Variants in GLIS3 observed in about 807,000 individuals in gnomAD.
GLIS3 encodes zinc finger protein GLIS3.
GLIS3 carries 53 observed loss-of-function variants against 78.6 expected under a neutral mutation model. The observed-to-expected ratio is 0.67, with a 90% CI of 0.54 to 0.85. GLIS3 has a LOEUF of 0.85. GLIS3 is among the 40% of genes least tolerant of loss of function. GLIS3 has a pLI of 0.00. For missense variants in GLIS3, 1,703 were observed against 1,231.1 expected (o/e 1.38, Z -5.74); for synonymous variants, 684 against 509.9 (o/e 1.34, Z -4.60).
At chr9:3,940,671 A>C (rs1413776621) in intron 4 of GLIS3, among the ~76,000 whole-genome samples, 1 of 152,172 alleles carries the variant, frequency 6.6e-6, no homozygotes, top group African/African-American at 2.4e-5. Flanking sequence ...CTCGGAATCC[A>C]AGGAGGAAAC....
intron 6 of GLIS3, among the ~76,000 whole-genome samples, chr9:3,923,583 G>GT (rs33990978): frequency 0.74 from 111,273 of 150,202 alleles, 41,564 homozygotes; most frequent in East Asian, 0.9. Context: ...TCAGAAAGGT[G>GT]TTTTTTTTTT....
chr9:3,898,927 A>G (rs1823077476), intron 6 of GLIS3, 92 bp from the exon 7 acceptor site: 2 of 1,558,064 alleles, frequency 1.3e-6, no homozygotes, highest in Middle Eastern at 2.3e-4. Context: ...AGTGCAACTC[A>G]GCCCACAAAA....
intron 2 of GLIS3, among the ~76,000 whole-genome samples, chr9:4,233,895 C>T (rs997826867): frequency 6.6e-6 from 1 of 152,202 alleles, no homozygotes; most frequent in Non-Finnish European, 1.5e-5. Context: ...TCCTACATCA[C>T]CACTTGCTGC....
At position 4,125,872 on chromosome 9, in the gene GLIS3, C is replaced by T; in HGVS notation, c.458G>A (p.Ser153Asn). 6.2e-7 allele frequency: 1 copy of T among 1,613,850 alleles called. No individual in the cohort carries two copies. Among genetic ancestry groups the T allele is most frequent in the Non-Finnish European group, 8.5e-7 (1 of 1,179,800 alleles). ...KGSCNNLVVTSSPMMVQRLGL... is the reference protein window; with the variant it reads ...KGSCNNLVVTNSPMMVQRLGL... ...CAGTCGCTGAACCATCATGGGACTGCTGGTGACCACTAGATTGTTGCAGCT... is the reference window on the plus strand; with the variant it reads ...CAGTCGCTGAACCATCATGGGACTGTTGGTGACCACTAGATTGTTGCAGCT... Residue 153 changes from serine (S) to asparagine (N), a missense_variant, in exon 3 of 11, where the codon AGC becomes AAC. Physicochemically the swap from Ser to Asn is conservative, Grantham distance 46. Transcript: ENST00000381971.
chr9:3,851,006 G>A (rs141625142), intron 9 of GLIS3, among the ~76,000 whole-genome samples: 5 of 152,276 alleles, frequency 3.3e-5, no homozygotes, highest in Admixed American at 2.0e-4. Flanking sequence ...GTCACAGTGC[G>A]TTGATTAAAT....
At chr9:3,895,226 C>T (rs1050423276) in intron 7 of GLIS3, among the ~76,000 whole-genome samples, 3 of 152,216 alleles carry the variant, frequency 2.0e-5, no homozygotes, top group South Asian at 2.1e-4. Context: ...ATTCACACTT[C>T]GATCAACAGG....
At chr9:4,345,419 A>G (rs1188875103) in intron 2 of GLIS3, among the ~76,000 whole-genome samples, 1 of 152,138 alleles carries the variant, frequency 6.6e-6, no homozygotes, top group African/African-American at 2.4e-5. Flanking sequence ...TATATTTTCC[A>G]TATCTGTTTA....
intron 6 of GLIS3, among the ~76,000 whole-genome samples, chr9:3,899,927 G>A (rs1433199101): frequency 6.6e-6 from 1 of 152,122 alleles, no homozygotes; most frequent in Non-Finnish European, 1.5e-5. Flanking sequence ...AATAAGGGGT[G>A]GCAGCTTTAG....
chr9:4,334,201 G>A (rs534197307), intron 2 of GLIS3, among the ~76,000 whole-genome samples: 6 of 152,160 alleles, frequency 3.9e-5, no homozygotes, highest in Non-Finnish European at 7.3e-5. Context: ...CTGAGTAAAG[G>A]GGACAGTGAA....
chr9:4,047,653 ATC>A (rs1227934568), intron 4 of GLIS3, among the ~76,000 whole-genome samples: 1 of 152,192 alleles, frequency 6.6e-6, no homozygotes, highest in Non-Finnish European at 1.5e-5. Flanking sequence ...GAAGCTCACA[ATC>A]TAGGGAAAGA....
chr9:4,364,239 C>G, the GLIS3 span, among the ~76,000 whole-genome samples: 2 of 152,196 alleles, frequency 1.3e-5, no homozygotes, highest in Non-Finnish European at 1.5e-5. Context: ...CAACTAATCC[C>G]TCCCCAAATC....
intron 4 of GLIS3, among the ~76,000 whole-genome samples, chr9:4,111,265 T>C (rs933497181): frequency 2.6e-5 from 4 of 152,214 alleles, no homozygotes; most frequent in Non-Finnish European, 5.9e-5. Flanking sequence ...ATGTAGTTAA[T>C]GATTTTGTTT....
intron 1 of GLIS3, among the ~76,000 whole-genome samples, chr9:4,299,009 G>C (rs1231279685): frequency 6.6e-6 from 1 of 152,164 alleles, no homozygotes; most frequent in African/African-American, 2.4e-5. Flanking sequence ...CCTTCAGTGG[G>C]GACTCCAGAG....
At chr9:4,329,836 G>T (rs1817658664) in intron 2 of GLIS3, among the ~76,000 whole-genome samples, 1 of 152,098 alleles carries the variant, frequency 6.6e-6, no homozygotes, top group Non-Finnish European at 1.5e-5. Flanking sequence ...TTCTGGTGCT[G>T]GTAATGCAAT....
chr9:4,481,238 C>T, the GLIS3 span, among the ~76,000 whole-genome samples: 1 of 152,054 alleles, frequency 6.6e-6, no homozygotes, highest in South Asian at 2.1e-4. Context: ...AATCCCAGTA[C>T]TTTGGGAGGC....
intron 6 of GLIS3, among the ~76,000 whole-genome samples, chr9:3,914,313 G>A (rs1308417165): frequency 7.7e-6 from 1 of 130,686 alleles, no homozygotes; most frequent in Non-Finnish European, 1.6e-5. Flanking sequence ...ATCTGGCTAA[G>A]TTTTTTCAGA....
chr9:4,205,495 G>A (rs1222716895), intron 2 of GLIS3, among the ~76,000 whole-genome samples: 1 of 152,228 alleles, frequency 6.6e-6, no homozygotes, highest in East Asian at 1.9e-4. Flanking sequence ...TTCCCTGGAA[G>A]ATTTGATGTG....
At chr9:4,449,139 C>T in the GLIS3 span, among the ~76,000 whole-genome samples, 1 of 152,178 alleles carries the variant, frequency 6.6e-6, no homozygotes, top group Non-Finnish European at 1.5e-5. Context: ...TTCCAACGGT[C>T]TTAGCAAACG....
chr9:4,391,476 ACT>A, the GLIS3 span, among the ~76,000 whole-genome samples: 1 of 151,774 alleles, frequency 6.6e-6, no homozygotes, highest in East Asian at 1.9e-4. Context: ...CTGAAAAATC[ACT>A]CTGCCTGTGT....
Sources: gnomAD v4.1 joint callset for allele counts (sites outside exome capture counted in the v4.1 genomes callset) on GRCh38, gnomAD v4.1.1 for gene constraint, MANE v1.5 for transcripts, NCBI Gene and HGNC (gene_info 2026-07-23, HGNC 2026-07-21) for gene names.